Variants in CDCA7L observed in about 807,000 individuals in gnomAD.
CDCA7L encodes cell division cycle associated 7 like.
In CDCA7L, 44 loss-of-function variants were observed where a neutral mutation model predicts 57.4. That is an observed-to-expected ratio of 0.77 (90% confidence interval 0.60 to 0.98). The LOEUF (loss-of-function observed/expected upper bound fraction) is 0.98. CDCA7L is among the 50% of genes least tolerant of loss of function. CDCA7L has a pLI of 0.00. For missense variants in CDCA7L, 644 were observed against 580.6 expected, an observed-to-expected ratio of 1.11 and a Z score of -1.12; for synonymous variants, 236 against 202.8, an observed-to-expected ratio of 1.16 and a Z score of -1.39.
chr7:21,929,929 G>A (rs1302888045), intron 1 of CDCA7L, among the ~76,000 whole-genome samples: 1 of 152,110 alleles, frequency 6.6e-6, no homozygotes, highest in Non-Finnish European at 1.5e-5. Context: ...AATTAATAAG[G>A]ATATTCAGGA....
intron 1 of CDCA7L, among the ~76,000 whole-genome samples, chr7:21,934,118 C>G (rs2128068754): frequency 6.6e-6 from 1 of 152,232 alleles, no homozygotes; most frequent in Admixed American, 6.5e-5. Flanking sequence ...ATATAAGGTT[C>G]TCAGGTAAAG....
intron 4 of CDCA7L, among the ~76,000 whole-genome samples, chr7:21,907,451 T>G (rs897048910): frequency 1.3e-5 from 2 of 152,122 alleles, no homozygotes; most frequent in Non-Finnish European, 2.9e-5. Flanking sequence ...CTAAAAGGGA[T>G]AAGTGGTAGA....
chr7:21,944,295 C>CA (rs1786436375), intron 1 of CDCA7L, among the ~76,000 whole-genome samples: 2 of 143,158 alleles, frequency 1.4e-5, no homozygotes, highest in Non-Finnish European at 3.1e-5. Flanking sequence ...AAAAAAAATA[C>CA]AAAAAATTAG....
In CDCA7L at chr7:21,905,532, G is replaced by A. The variant is rs763777079; in HGVS notation, c.1021C>T (p.Arg341Ter). Residue 341 changes from arginine (R) to a stop codon, truncating the protein, a stop_gained, in exon 7 of 10, where the codon CGA becomes TGA. Coordinates refer to ENST00000406877, the MANE Select transcript of CDCA7L (RefSeq NM_018719.5). LOFTEE classifies it high-confidence loss of function. ...EDLENVAITV[R>*]DKIYDKVLGN... is the part of the protein sequence containing the mutation. ...AGAACTTTATCATAGATTTTATCTCGAACAGTTATGGCAACATTTTCTAAG... is the reference window on the plus strand; with the variant it reads ...AGAACTTTATCATAGATTTTATCTCAAACAGTTATGGCAACATTTTCTAAG... 5.6e-6 allele frequency: 9 copies of A among 1,613,556 alleles called. No individual in the cohort carries two copies. The highest frequency in any genetic ancestry group is 1.7e-5 in the Admixed American group (1 of 59,994).
intron 2 of CDCA7L, among the ~76,000 whole-genome samples, chr7:21,913,021 C>G (rs949096594): frequency 8.5e-5 from 13 of 152,136 alleles, no homozygotes; most frequent in African/African-American, 3.1e-4. Context: ...CCAGTTTCCT[C>G]TGACGTCTCT....
At chr7:21,939,209 G>T (rs963020975) in intron 1 of CDCA7L, among the ~76,000 whole-genome samples, 1 of 152,080 alleles carries the variant, frequency 6.6e-6, no homozygotes, top group Admixed American at 6.5e-5. Flanking sequence ...AGGTCATAGG[G>T]GTAATTGTTT....
At chr7:21,913,760 C>T (rs1424101213) in intron 2 of CDCA7L, among the ~76,000 whole-genome samples, 1 of 152,222 alleles carries the variant, frequency 6.6e-6, no homozygotes, top group Non-Finnish European at 1.5e-5. Flanking sequence ...ATCCTGTGTG[C>T]TGGCCTCCCA....
intron 1 of CDCA7L, among the ~76,000 whole-genome samples, chr7:21,918,167 TC>T (rs768183350): frequency 1.3e-5 from 2 of 151,932 alleles, no homozygotes; most frequent in Non-Finnish European, 2.9e-5. Context: ...TGTCAAGTTA[TC>T]CCACTATTAA....
At position 21,901,231 on chromosome 7, in the gene CDCA7L, G is replaced by GTGGC; in HGVS notation, c.*1087_*1090dup. ...GACTGCAAAATGGGTTCTGGCTGGA[G>GTGGC]TGGCTCTGCTTCTAGAAGCGTAAGG... On this transcript the variant is annotated 3_prime_UTR_variant, in exon 10 of 10. Coordinates refer to ENST00000406877, the MANE Select transcript of CDCA7L (RefSeq NM_018719.5). 1 of 1,609,008 alleles carries GTGGC rather than the reference G, an allele frequency of 6.2e-7. No individual in the cohort carries two copies. Among genetic ancestry groups the GTGGC allele is most frequent in the Non-Finnish European group, 8.5e-7 (1 of 1,177,536 alleles).
At chr7:21,923,267 T>C (rs1583862939) in intron 1 of CDCA7L, among the ~76,000 whole-genome samples, 1 of 152,128 alleles carries the variant, frequency 6.6e-6, no homozygotes, top group Non-Finnish European at 1.5e-5. Context: ...GGCAGGAAGA[T>C]CACTTGACCC....
intron 1 of CDCA7L, among the ~76,000 whole-genome samples, chr7:21,922,065 T>C (rs1443630382): frequency 2.6e-5 from 4 of 152,200 alleles, no homozygotes; most frequent in Admixed American, 2.6e-4. Flanking sequence ...GCATCTGACT[T>C]TGTAGCCATT....
At chr7:21,907,092 A>G (rs1357655301) in intron 4 of CDCA7L, among the ~76,000 whole-genome samples, 1 of 152,226 alleles carries the variant, frequency 6.6e-6, no homozygotes, top group Non-Finnish European at 1.5e-5. Context: ...AAATAGATTA[A>G]TTTCTCATCA....
chr7:21,918,969 T>C (rs537400644), intron 1 of CDCA7L, among the ~76,000 whole-genome samples: 3 of 152,286 alleles, frequency 2.0e-5, no homozygotes, highest in South Asian at 4.1e-4. Flanking sequence ...TCAGCGTCCA[T>C]TGACAATTCT....
Position 21,911,703 on chromosome 7 carries a change from A to G in CDCA7L, c.217T>C (p.Phe73Leu), listed in dbSNP as rs769933500. ...GTCTCTGAGTCAGTGTCCTCTATAA[A>G]AATTCTTCTTAGCTCTTCTGTGAAG... ...KYFTEELRRI[F>L]IEDTDSETED... The change falls in exon 3 of 10, where the codon TTT becomes CTT. Residue 73 changes from phenylalanine to leucine, a missense_variant. Coordinates refer to ENST00000406877, the MANE Select transcript of CDCA7L (RefSeq NM_018719.5). 6.2e-7 allele frequency: 1 copy of G among 1,613,948 alleles called. No homozygotes were observed. The highest frequency in any genetic ancestry group is 8.5e-7 in the Non-Finnish European group (1 of 1,179,988).
At chr7:21,910,653 C>A (rs1785288359) in intron 3 of CDCA7L, among the ~76,000 whole-genome samples, 1 of 152,218 alleles carries the variant, frequency 6.6e-6, no homozygotes, top group Admixed American at 6.5e-5. Context: ...GCACTTAAAT[C>A]CGAAGGCTGT....
chr7:21,901,865 C>CA lies in CDCA7L; in HGVS notation c.*456dup, dbSNP rs1434282052. On this transcript the variant is annotated 3_prime_UTR_variant, in exon 10 of 10. Transcript: ENST00000406877. ...TTGCACTTTGTTCAGTGTAAATTTC[C>CA]AATGACCAAGAGCAGGTTAAACGAT... is the stretch of plus-strand genomic sequence containing the variant. The CA allele has an allele frequency of 5.7e-6, 1 of 176,206 alleles. No individual in the cohort carries two copies. The highest frequency in any genetic ancestry group is 2.4e-5 in the African/African-American group (1 of 41,992). 10.9% of individuals were successfully genotyped at this position (176,206 alleles called of 1,614,324 possible). A position where few individuals can be genotyped will look rare whatever the true frequency, so the allele number is the denominator to read the frequency against.
At position 21,903,058 on chromosome 7, in the gene CDCA7L, A is replaced by T. The variant is rs769594450; in HGVS notation, c.1254T>A (p.Arg418=). The change falls in exon 9 of 10, where the codon CGT becomes CGA. Residue 418 remains arginine, a synonymous_variant. Transcript: ENST00000406877. ...GGATTCCTGTGGCACAGCGGCCGTC[A>T]CGCTTCCGACAGTAGCTGCAATTGC... is the stretch of plus-strand genomic sequence containing the variant. ...GICNCSYCRK[R]DGRCATGILI... The T allele has an allele frequency of 7.4e-6, 12 of 1,614,042 alleles. No homozygotes were observed. The highest frequency in any genetic ancestry group is 1.0e-5 in the Non-Finnish European group (12 of 1,180,014).
intron 2 of CDCA7L, among the ~76,000 whole-genome samples, chr7:21,913,375 G>A (rs1785391802): frequency 6.6e-6 from 1 of 150,698 alleles, no homozygotes; most frequent in Non-Finnish European, 1.5e-5. Flanking sequence ...TTTCTTTAAA[G>A]TGAAATTCAA....
At chr7:21,927,198 C>G (rs900655623) in intron 1 of CDCA7L, among the ~76,000 whole-genome samples, 8 of 152,122 alleles carry the variant, frequency 5.3e-5, no homozygotes, top group African/African-American at 1.9e-4. Context: ...AAACACTGGA[C>G]TTACTAGACA....
Sources: gnomAD v4.1 joint callset for allele counts (sites outside exome capture counted in the v4.1 genomes callset) on GRCh38, gnomAD v4.1.1 for gene constraint, MANE v1.5 for transcripts, NCBI Gene and HGNC (gene_info 2026-07-23, HGNC 2026-07-21) for gene names.